Variants in RREB1 observed in about 807,000 individuals in gnomAD.
The protein encoded by RREB1 is ras responsive element binding protein 1.
RREB1 carries 27 observed loss-of-function variants against 117.8 expected under a neutral mutation model. The ratio of observed to expected loss-of-function variants is 0.23; its 90% CI spans 0.17 to 0.32. RREB1 has a LOEUF of 0.32. Among genes scored for constraint, RREB1 ranks in the 10% least tolerant of loss-of-function variants. RREB1 has a pLI of 1.00. For synonymous variants in RREB1, 1,298 were observed against 1,026.7 expected (o/e 1.26, Z -5.05); for missense variants, 2,577 against 2,378.2 (o/e 1.08, Z -1.74).
rs546998896 is a variant in RREB1, at chr6:7,171,904, A to G, written c.-284-4751A>G. 3.3e-5 allele frequency among the ~76,000 whole-genome samples: 5 copies of G among 151,620 alleles called. No individual in the cohort carries two copies. In the South Asian group the frequency reaches 6.3e-4, roughly 19 times the overall value. ...CCAGAAGGTGGACTGAGGCCAGAGC[A>G]TGGAGACTCTTGAATGGCAGGTTAA... On this transcript the variant is annotated intron_variant, in intron 1 of 12. Coordinates refer to ENST00000379938, the MANE Select transcript of RREB1 (RefSeq NM_001003699.4).
intron 11 of RREB1, among the ~76,000 whole-genome samples, chr6:7,245,014 A>G (rs1384224857): frequency 1.3e-5 from 2 of 152,212 alleles, no homozygotes; most frequent in Non-Finnish European, 2.9e-5. Context: ...CATCTGGCCT[A>G]TTGAGGGAGG....
Position 7,249,823 on chromosome 6 carries a change from T to TTAG in RREB1, c.*857_*859dup, listed in dbSNP as rs1029288890. On this transcript the variant is annotated 3_prime_UTR_variant, in exon 13 of 13. Transcript: ENST00000379938. ...AATATTATTATTATTATTATTATTATTAGTTCATCAGTTTGCTGTTCTCTG... is the reference window on the plus strand; with the variant it reads ...AATATTATTATTATTATTATTATTATTAGTAGTTCATCAGTTTGCTGTTCTCTG... 1 of 152,104 alleles carries TTAG rather than the reference T, an allele frequency of 6.6e-6. No individual in the cohort carries two copies. The highest frequency in any genetic ancestry group is 1.5e-5 in the Non-Finnish European group (1 of 67,950). The allele number at this position is 152,104 out of a possible 1,614,324, so 9.4% of individuals were successfully genotyped here.
intron 1 of RREB1, among the ~76,000 whole-genome samples, chr6:7,108,859 G>T (rs1187608493): frequency 2.0e-5 from 3 of 151,462 alleles, no homozygotes; most frequent in Admixed American, 6.6e-5. Flanking sequence ...GCCCTCGCGG[G>T]TTCCCGGCTG....
chr6:7,209,814 TC>T (rs952121129), intron 6 of RREB1, among the ~76,000 whole-genome samples: 8 of 152,204 alleles, frequency 5.3e-5, no homozygotes, highest in Admixed American at 6.5e-5. Flanking sequence ...TTGCTGTCTT[TC>T]CCTACTCCTG....
intron 8 of RREB1, among the ~76,000 whole-genome samples, chr6:7,223,970 GA>G (rs1180588171): frequency 3.9e-5 from 6 of 152,018 alleles, no homozygotes; most frequent in African/African-American, 1.4e-4. Context: ...TTTAATAAAA[GA>G]AAAGAATAGT....
intron 10 of RREB1, among the ~76,000 whole-genome samples, chr6:7,238,155 A>G (rs966076069): frequency 6.6e-6 from 1 of 152,238 alleles, no homozygotes; most frequent in Non-Finnish European, 1.5e-5. Context: ...CCTTTTGACA[A>G]TAAAATGTTA....
At chr6:7,166,835 C>T (rs1464458121) in intron 1 of RREB1, among the ~76,000 whole-genome samples, 2 of 152,226 alleles carry the variant, frequency 1.3e-5, no homozygotes, top group Non-Finnish European at 2.9e-5. Context: ...AATCCCGTTG[C>T]TGCTGCACCC....
At position 7,229,128 on chromosome 6, in the gene RREB1, G is replaced by A; in HGVS notation, c.1029G>A (p.Gln343=). The A allele has an allele frequency of 1.2e-6, 2 of 1,609,126 alleles. No individual in the cohort carries two copies. Among genetic ancestry groups the A allele is most frequent in the Non-Finnish European group, 1.7e-6 (2 of 1,176,144 alleles). Residue 343 remains glutamine (Q), a synonymous_variant, in exon 10 of 13, where the codon CAG becomes CAA. Coordinates refer to ENST00000379938, the MANE Select transcript of RREB1 (RefSeq NM_001003699.4). This position sits in a 1 kb window ranked among gnomAD's most constrained non-coding sequence, Gnocchi z 4.5. ...LHKQTHVAAD[Q]GQEKPQATPL... is the part of the protein sequence containing the mutation. ...AGCAGACCCATGTGGCGGCAGACCA[G>A]GGTCAAGAAAAGCCGCAGGCCACGC... is the stretch of plus-strand genomic sequence containing the variant.
chr6:7,230,616 T>C lies in RREB1; in HGVS notation c.2517T>C (p.Ala839=), dbSNP rs751045274. Residue 839 remains alanine, a synonymous_variant, in exon 10 of 13, where the codon GCT becomes GCC. Transcript: ENST00000379938. The stretch of plus-strand genomic sequence containing the variant: ...TGGGCCCCGCAGAGGCGCCGGCCGC[T>C]GAGGCGTCGGGGCGCGGGGAGGACA... ...DGLGPAEAPA[A]EASGRGEDSG... is the part of the protein sequence containing the mutation. The C allele has an allele frequency of 6.2e-7, 1 of 1,605,234 alleles. No homozygotes were observed. Among genetic ancestry groups the C allele is most frequent in the South Asian group, 1.1e-5 (1 of 90,354 alleles).
At chr6:7,126,456 A>T (rs765564302) in intron 1 of RREB1, among the ~76,000 whole-genome samples, 1 of 151,086 alleles carries the variant, frequency 6.6e-6, no homozygotes, top group African/African-American at 2.4e-5. Flanking sequence ...TTTAGTAGAG[A>T]TGGGGTTTCA....
chr6:7,210,847 A>G lies in RREB1; in HGVS notation c.469A>G (p.Thr157Ala). Residue 157 changes from threonine (T) to alanine (A), a missense_variant, in exon 7 of 13, where the codon ACA (threonine) becomes GCA (alanine). Transcript: ENST00000379938. The part of the protein sequence containing the change: ...HEKDPNSATA[T>A]APPSPLKRRR... ...GAAGGACCCTAACAGTGCCACAGCC[A>G]CAGCCCCTCCATCTCCTCTGAAACG... The G allele has an allele frequency of 6.2e-7, 1 of 1,614,146 alleles. No individual in the cohort carries two copies. Among genetic ancestry groups the G allele is most frequent in the Non-Finnish European group, 8.5e-7 (1 of 1,179,968 alleles).
Position 7,246,438 on chromosome 6 carries a change from G to A in RREB1, c.3988G>A (p.Ala1330Thr). 6.7e-7 allele frequency: 1 copy of A among 1,493,614 alleles called. No individual in the cohort carries two copies. The highest frequency in any genetic ancestry group is 8.9e-7 in the Non-Finnish European group (1 of 1,117,328). 92.5% of individuals were successfully genotyped at this position (1,493,614 alleles called of 1,614,324 possible). ...SHDSTDSQSD[A>T]ETAAAAGEVL... Reference sequence around the variant, plus strand: ...TTGCCCCACAGACAGTCAGTCGGATGCGGAGACTGCAGCCGCCGCGGGCGA... The same window carrying A: ...TTGCCCCACAGACAGTCAGTCGGATACGGAGACTGCAGCCGCCGCGGGCGA... The change falls in exon 12 of 13, where the codon GCG becomes ACG. Residue 1330 changes from alanine to threonine, a missense_variant. Physicochemically the swap from Ala to Thr is moderately conservative, Grantham distance 58 (BLOSUM62 0). Coordinates refer to ENST00000379938, the MANE Select transcript of RREB1 (RefSeq NM_001003699.4).
chr6:7,228,495 C>CTT (rs568193582), intron 9 of RREB1, among the ~76,000 whole-genome samples: 1,230 of 91,188 alleles, frequency 0.013, 75 homozygotes, highest in African/African-American at 0.05. Context: ...AGAAGGTCAA[C>CTT]TTTTTTTTTT....
chr6:7,121,035 G>A (rs565657553), intron 1 of RREB1, among the ~76,000 whole-genome samples: 4 of 151,802 alleles, frequency 2.6e-5, no homozygotes, highest in Admixed American at 6.6e-5. Flanking sequence ...TGTTGGCCAG[G>A]CTGGTCTCGA....
At chr6:7,149,003 A>G (rs1445588024) in intron 1 of RREB1, among the ~76,000 whole-genome samples, 1 of 152,058 alleles carries the variant, frequency 6.6e-6, no homozygotes, top group Non-Finnish European at 1.5e-5. Context: ...GCTCACTGCA[A>G]CCTCTGCCTC....
At chr6:7,210,305 G>C (rs1172405197) in intron 6 of RREB1, among the ~76,000 whole-genome samples, 1 of 152,180 alleles carries the variant, frequency 6.6e-6, no homozygotes, top group African/African-American at 2.4e-5. Flanking sequence ...CATTTGCTCT[G>C]TTAGCATGTC....
rs975591316 is a variant in RREB1, at chr6:7,177,897, A to G, written c.-166+1124A>G. On this transcript the variant is annotated intron_variant, in intron 2 of 12. Transcript: ENST00000379938. ...GCCACCACGCCCAGCTAATTTTTGT[A>G]GTTTTAGGGGAGACGGGGTTTTGCC... Among the ~76,000 whole-genome samples the G allele has an allele frequency of 6.6e-5, 10 of 152,000 alleles. 1 individual carries two copies. Among genetic ancestry groups the G allele is most frequent in the African/African-American group, 2.4e-4 (10 of 41,378 alleles).
intron 1 of RREB1, among the ~76,000 whole-genome samples, chr6:7,143,468 T>C (rs1159394352): frequency 3.3e-5 from 5 of 152,216 alleles, no homozygotes; most frequent in Non-Finnish European, 7.3e-5. Context: ...TTCTGGTTTC[T>C]AGTTGGGCTT....
At chr6:7,141,785 G>T (rs897987370) in intron 1 of RREB1, among the ~76,000 whole-genome samples, 1 of 152,262 alleles carries the variant, frequency 6.6e-6, no homozygotes, top group Admixed American at 6.5e-5. Flanking sequence ...CCTGGAAGGA[G>T]CGGGGCGTGT....
Sources: allele counts gnomAD v4.1 joint callset (sites outside exome capture counted in the v4.1 genomes callset), GRCh38; gene constraint gnomAD v4.1.1; non-coding constraint Gnocchi (gnomAD v3.1); transcripts MANE v1.5; gene names NCBI Gene and HGNC (gene_info 2026-07-23, HGNC 2026-07-21).